ST3GAL1: variants seen among roughly 807,000 people sequenced by gnomAD.
ST3GAL1 encodes the protein CMP-N-acetylneuraminate-beta-galactosamide-alpha-2,3-sialyltransferase 1.
In ST3GAL1, 16 loss-of-function variants were observed where a neutral mutation model predicts 34.1. The observed-to-expected ratio is 0.47, with a 90% confidence interval of 0.32 to 0.71. The LOEUF is 0.71. Ranked by LOEUF, ST3GAL1 falls within the 30% of genes least tolerant of loss-of-function variation. ST3GAL1 has a pLI of 0.04. For missense variants in ST3GAL1, 353 were observed against 447.4 expected (o/e 0.79, Z 1.90); for synonymous variants, 191 against 184.7 (o/e 1.03, Z -0.28).
chr8:133,564,873 C>G (rs1819345008), intron 1 of ST3GAL1, among the ~76,000 whole-genome samples: 1 of 152,202 alleles, frequency 6.6e-6, no homozygotes, highest in Non-Finnish European at 1.5e-5. Flanking sequence ...CCAATTGAAA[C>G]CCAGGCAAAC....
At chr8:133,536,667 C>G (rs1191152433) in intron 2 of ST3GAL1, among the ~76,000 whole-genome samples, 1 of 152,174 alleles carries the variant, frequency 6.6e-6, no homozygotes, top group African/African-American at 2.4e-5. Context: ...CCATTTATCA[C>G]GGGCTCAGTG....
In ST3GAL1 at chr8:133,467,353, G is replaced by T. The variant is rs1331750178; in HGVS notation, c.307-1263C>A. Among the ~76,000 whole-genome samples the T allele has an allele frequency of 1.3e-5, 2 of 152,188 alleles. No homozygotes were observed. The highest frequency in any genetic ancestry group is 1.3e-4 in the Admixed American group (2 of 15,288). The stretch of plus-strand genomic sequence containing the variant: ...GCCACACTATGTAGTGATGCCTGTT[G>T]GTGCCTCAGCCTTCCTCACTCGTGG... On this transcript the variant is annotated intron_variant, in intron 5 of 9. Transcript: ENST00000522652. This position sits in a 1 kb window ranked among gnomAD's most constrained non-coding sequence, Gnocchi z 4.2.
rs1050221951 is a variant in ST3GAL1 at position 133,459,500 on chromosome 8, G to C, written c.*264C>G. On this transcript the variant is annotated 3_prime_UTR_variant, in exon 10 of 10. Coordinates refer to ENST00000522652, the MANE Select transcript of ST3GAL1 (RefSeq NM_173344.3). The surrounding 1 kb of genome is among the most constrained non-coding windows in gnomAD (Gnocchi z 4.7). ...GTGTGTGGAGGTTGAACCTTTCCCAGCGTCTCCCCAGCTCTAGGGCAGCAG... is the reference window on the plus strand; with the variant it reads ...GTGTGTGGAGGTTGAACCTTTCCCACCGTCTCCCCAGCTCTAGGGCAGCAG... 1 of 350,962 alleles carries C rather than the reference G, an allele frequency of 2.8e-6. No homozygotes were observed. Among genetic ancestry groups the C allele is most frequent in the African/African-American group, 2.1e-5 (1 of 47,526 alleles). The allele number at this position is 350,962 out of a possible 1,614,324, so 21.7% of individuals were successfully genotyped here.
chr8:133,467,020 G>A lies in ST3GAL1; in HGVS notation c.307-930C>T, dbSNP rs930672062. ...TGAAGTGGGAGAATCTCTTGAACCC[G>A]GAAGGCGGAGGTTGCAGTGAGCCAA... On this transcript the variant is annotated intron_variant, in intron 5 of 9. Transcript: ENST00000522652. The surrounding 1 kb of genome is among the most constrained non-coding windows in gnomAD (Gnocchi z 4.2). 3.3e-5 allele frequency among the ~76,000 whole-genome samples: 5 copies of A among 151,956 alleles called. No homozygotes were observed. The highest frequency in any genetic ancestry group is 1.9e-4 in the East Asian group (1 of 5,152).
At chr8:133,548,561 T>C (rs1424634379) in intron 1 of ST3GAL1, among the ~76,000 whole-genome samples, 2 of 152,220 alleles carry the variant, frequency 1.3e-5, no homozygotes, top group African/African-American at 4.8e-5. Flanking sequence ...AGAAGGCCTA[T>C]TCCTATTTCT....
At chr8:133,543,522 G>A (rs772667984) in intron 2 of ST3GAL1, among the ~76,000 whole-genome samples, 3 of 152,074 alleles carry the variant, frequency 2.0e-5, no homozygotes, top group Non-Finnish European at 4.4e-5. Flanking sequence ...TGAAAACCTG[G>A]ACGAAGGAGG....
chr8:133,474,886 T>G (rs533649535), intron 5 of ST3GAL1, among the ~76,000 whole-genome samples: 1 of 152,344 alleles, frequency 6.6e-6, no homozygotes, highest in African/African-American at 2.4e-5. Context: ...CCTTGTTTAT[T>G]TCTTATCTTC....
Position 133,459,600 on chromosome 8 carries a change from C to A in ST3GAL1, c.*164G>T. On this transcript the variant is annotated 3_prime_UTR_variant, in exon 10 of 10. Coordinates refer to ENST00000522652, the MANE Select transcript of ST3GAL1 (RefSeq NM_173344.3). This position sits in a 1 kb window ranked among gnomAD's most constrained non-coding sequence, Gnocchi z 4.7. ...ACGCTGGCAGAGCTTAGTGACCTTG[C>A]TGAGTAGATGCTGCCAACGGCTGGG... 1.3e-6 allele frequency: 1 copy of A among 794,174 alleles called. No homozygotes were observed. Among genetic ancestry groups the A allele is most frequent in the Middle Eastern group, 4.0e-4 (1 of 2,474 alleles). The allele number at this position is 794,174 out of a possible 1,614,324, so 49.2% of individuals were successfully genotyped here.
intron 1 of ST3GAL1, among the ~76,000 whole-genome samples, chr8:133,561,671 C>G (rs1819227084): frequency 6.6e-6 from 1 of 152,114 alleles, no homozygotes; most frequent in East Asian, 1.9e-4. Context: ...TGTTCTCACG[C>G]TCAGCCAAGG....
chr8:133,503,950 A>G (rs916709814), intron 2 of ST3GAL1, among the ~76,000 whole-genome samples: 11 of 152,218 alleles, frequency 7.2e-5, no homozygotes, highest in Admixed American at 7.2e-4. Context: ...TCCCTCAGCC[A>G]GGCAGTGTGG....
At chr8:133,471,535 T>A (rs970480813) in intron 5 of ST3GAL1, among the ~76,000 whole-genome samples, 20 of 152,236 alleles carry the variant, frequency 1.3e-4, no homozygotes, top group African/African-American at 4.8e-4. Context: ...TAGACCTATT[T>A]TACAGGTGAG....
At chr8:133,557,926 A>G (rs1819107336) in intron 1 of ST3GAL1, among the ~76,000 whole-genome samples, 2 of 147,192 alleles carry the variant, frequency 1.4e-5, no homozygotes, top group Non-Finnish European at 3.0e-5. Context: ...AAAAAAAAAG[A>G]GGCCAGTGTC....
chr8:133,475,890 C>T lies in ST3GAL1; in HGVS notation c.135G>A (p.Glu45=). The stretch of plus-strand genomic sequence containing the variant: ...TCAGTCTCTTCAGGTTCTCGGAGAG[C>T]TCCAGGACCATCTGCTTGGGGAACC... ...TTWFPKQMVL[E]LSENLKRLIK... Residue 45 remains glutamate, a synonymous_variant, in exon 5 of 10, where the codon GAG becomes GAA. Transcript: ENST00000522652. The T allele has an allele frequency of 6.2e-7, 1 of 1,614,132 alleles. No individual in the cohort carries two copies. Among genetic ancestry groups the T allele is most frequent in the African/African-American group, 1.3e-5 (1 of 75,020 alleles).
In ST3GAL1 at chr8:133,508,650, T is replaced by C. The variant is rs1267073188; in HGVS notation, c.-428-9461A>G. 6.6e-6 allele frequency among the ~76,000 whole-genome samples: 1 copy of C among 151,956 alleles called. No homozygotes were observed. The highest frequency in any genetic ancestry group is 1.5e-5 in the Non-Finnish European group (1 of 67,986). ...CCTTTCTCAAGAGCTGGGAGGATCC[T>C]CTATAACCACCGAGTCCAGACTCTT... On this transcript the variant is annotated intron_variant, in intron 2 of 9. Transcript: ENST00000522652. The surrounding 1 kb of genome is among the most constrained non-coding windows in gnomAD (Gnocchi z 4.1).
chr8:133,540,323 AG>A (rs1402306734), intron 2 of ST3GAL1, among the ~76,000 whole-genome samples: 4 of 152,194 alleles, frequency 2.6e-5, no homozygotes, highest in Non-Finnish European at 4.4e-5. Context: ...AACGACTGCC[AG>A]GTTGTCCTCT....
intron 1 of ST3GAL1, among the ~76,000 whole-genome samples, chr8:133,565,656 T>C (rs1819373219): frequency 6.6e-6 from 1 of 152,220 alleles, no homozygotes; most frequent in African/African-American, 2.4e-5. Flanking sequence ...CTATAAAAAG[T>C]AGATGCTACT....
chr8:133,492,940 T>C (rs1379798040), intron 3 of ST3GAL1, among the ~76,000 whole-genome samples: 4 of 152,106 alleles, frequency 2.6e-5, no homozygotes, highest in Admixed American at 2.0e-4. Flanking sequence ...CTCCGTCCAA[T>C]AAGGAGGCGA....
intron 3 of ST3GAL1, among the ~76,000 whole-genome samples, chr8:133,487,503 C>A (rs971438437): frequency 6.6e-6 from 1 of 152,218 alleles, no homozygotes; most frequent in Non-Finnish European, 1.5e-5. Flanking sequence ...CTACTACATG[C>A]AGACCCTTTA....
rs1383562515 is a variant in ST3GAL1 at position 133,469,194 on chromosome 8, G to GA, written c.307-3105dup. On this transcript the variant is annotated intron_variant, in intron 5 of 9. Transcript: ENST00000522652. The surrounding 1 kb of genome is among the most constrained non-coding windows in gnomAD (Gnocchi z 4.3). ...TACTTTTCTTTAATGACTTATTTAAGAAAAATAAATTGATTGATTGATTGA... is the reference window on the plus strand; with the variant it reads ...TACTTTTCTTTAATGACTTATTTAAGAAAAAATAAATTGATTGATTGATTGA... Among the ~76,000 whole-genome samples the GA allele has an allele frequency of 6.6e-6, 1 of 152,098 alleles. No homozygotes were observed. The highest frequency in any genetic ancestry group is 1.9e-4 in the East Asian group (1 of 5,194).
Sources: allele counts gnomAD v4.1 joint callset (sites outside exome capture counted in the v4.1 genomes callset), GRCh38; gene constraint gnomAD v4.1.1; non-coding constraint Gnocchi (gnomAD v3.1); transcripts MANE v1.5; gene names NCBI Gene and HGNC (gene_info 2026-07-23, HGNC 2026-07-21).